Variants in BEND7 observed in about 807,000 individuals in gnomAD.
The protein encoded by BEND7 is BEN domain containing 7.
Under a neutral mutation model 50.9 loss-of-function variants are expected in BEND7, and 28 were observed. That is an observed-to-expected ratio of 0.55 (90% confidence interval 0.41 to 0.75). The LOEUF is 0.75. Among genes scored for constraint, BEND7 ranks in the 30% least tolerant of loss-of-function variants. BEND7 has a pLI of 0.00. For missense variants in BEND7, 477 were observed against 491.3 expected, an observed-to-expected ratio of 0.97 and a Z score of 0.28; for synonymous variants, 170 against 183.9, an observed-to-expected ratio of 0.92 and a Z score of 0.61.
At chr10:13,440,074 G>A (rs898537708), downstream of BEND7, among the ~76,000 whole-genome samples, 12 of 152,220 alleles carry the variant, frequency 7.9e-5, no homozygotes, top group African/African-American at 2.4e-4. Flanking sequence ...GGGGTTTGGC[G>A]GCTGGAGGAT....
chr10:13,504,513 A>T (rs2077727640), intron 2 of BEND7, among the ~76,000 whole-genome samples: 1 of 152,174 alleles, frequency 6.6e-6, no homozygotes, highest in Admixed American at 6.5e-5. Context: ...AAAAAAAAAA[A>T]TTGGTGAAAA....
chr10:13,450,124 C>T (rs1245752936), intron 7 of BEND7, among the ~76,000 whole-genome samples: 1 of 152,206 alleles, frequency 6.6e-6, no homozygotes, highest in Non-Finnish European at 1.5e-5. Context: ...TTCCATGTGA[C>T]GACAGCCCCA....
downstream of BEND7, chr10:13,439,226 GGGA>G (rs1835053845): frequency 1.2e-6 from 2 of 1,614,202 alleles, no homozygotes; most frequent in African/African-American, 1.3e-5. Context: ...AGCCTGGCGT[GGGA>G]AAGTTGCGAA....
intron 2 of BEND7, among the ~76,000 whole-genome samples, chr10:13,522,272 AAATT>A (rs1459199271): frequency 1.3e-5 from 2 of 152,256 alleles, no homozygotes; most frequent in African/African-American, 4.8e-5. Context: ...TATGAATAAT[AAATT>A]AATTGTCTCA....
chr10:13,484,353 T>C (rs2076078070), intron 5 of BEND7, among the ~76,000 whole-genome samples: 1 of 152,254 alleles, frequency 6.6e-6, no homozygotes, highest in African/African-American at 2.4e-5. Flanking sequence ...AATCTCACAT[T>C]TTCACTAAGA....
intron 8 of BEND7, chr10:13,444,216 GGCT>G (rs1371136690): frequency 1.3e-5 from 2 of 152,084 alleles, no homozygotes; most frequent in East Asian, 3.9e-4. Flanking sequence ...CCCAACACGG[GGCT>G]GATTCTTGGT....
At chr10:13,454,310 A>C (rs1398584644) in intron 6 of BEND7, among the ~76,000 whole-genome samples, 1 of 152,196 alleles carries the variant, frequency 6.6e-6, no homozygotes, top group East Asian at 1.9e-4. Flanking sequence ...GCAGATGTTC[A>C]AGTCCCTGAT....
At chr10:13,529,204 C>G (rs1489465358), upstream of BEND7, among the ~76,000 whole-genome samples, 2 of 145,704 alleles carry the variant, frequency 1.4e-5, no homozygotes, top group Non-Finnish European at 3.0e-5. Context: ...CGCCCTGGCC[C>G]GGGCCCGGCC....
chr10:13,519,774 G>C (rs1256506645), intron 2 of BEND7, among the ~76,000 whole-genome samples: 1 of 152,180 alleles, frequency 6.6e-6, no homozygotes, highest in Non-Finnish European at 1.5e-5. Flanking sequence ...CGGCTTACAG[G>C]CCAAGGTAAT....
In BEND7 at chr10:13,492,639, C is replaced by T. The variant is rs1338539157; in HGVS notation, c.809G>A (p.Gly270Asp). 10 of 1,613,942 alleles carry T rather than the reference C, an allele frequency of 6.2e-6. No homozygotes were observed. The highest frequency in any genetic ancestry group is 8.5e-6 in the Non-Finnish European group (10 of 1,180,016). Reference sequence around the variant, plus strand: ...TGAGGAAGGTGATTCCAGAACAATGCCGAATCCTAGAACGCGGCTCTCCTC... The same window carrying T: ...TGAGGAAGGTGATTCCAGAACAATGTCGAATCCTAGAACGCGGCTCTCCTC... ...SPEESRVLGFGIVLESPSSDP... is the reference protein window; with the variant it reads ...SPEESRVLGFDIVLESPSSDP... Residue 270 changes from glycine (G) to aspartate (D), a missense_variant, in exon 5 of 9, where the codon GGC (glycine) becomes GAC (aspartate). Physicochemically the swap from Gly to Asp is moderately conservative, Grantham distance 94 (BLOSUM62 -1). This residue lies in a region of BEND7 where 396 missense variants were observed against 384.2 expected (regional missense o/e 1.03). Coordinates refer to ENST00000466271, the MANE Select transcript of BEND7 (RefSeq NM_001369863.1).
At chr10:13,459,067 C>T (rs1418618855) in intron 6 of BEND7, among the ~76,000 whole-genome samples, 4 of 152,174 alleles carry the variant, frequency 2.6e-5, no homozygotes, top group South Asian at 2.1e-4. Flanking sequence ...AAATGACTTA[C>T]GTTTACAGTT....
At chr10:13,505,608 C>T (rs1351178467) in intron 2 of BEND7, among the ~76,000 whole-genome samples, 2 of 152,206 alleles carry the variant, frequency 1.3e-5, no homozygotes, top group Non-Finnish European at 2.9e-5. Flanking sequence ...TAAAGGCCCA[C>T]AGTCCGACCC....
chr10:13,517,908 T>G (rs2078810519), intron 2 of BEND7, among the ~76,000 whole-genome samples: 2 of 152,166 alleles, frequency 1.3e-5, no homozygotes, highest in Non-Finnish European at 2.9e-5. Flanking sequence ...TCCAGGTCAC[T>G]TTCTCTCCGA....
intron 5 of BEND7, among the ~76,000 whole-genome samples, chr10:13,485,233 C>A (rs909885885): frequency 6.6e-6 from 1 of 152,028 alleles, no homozygotes; most frequent in African/African-American, 2.4e-5. Flanking sequence ...CTATCATAGG[C>A]TATTTTATAT....
At chr10:13,443,121 G>A (rs555697759) in intron 8 of BEND7, 4 of 152,298 alleles carry the variant, frequency 2.6e-5, no homozygotes, top group East Asian at 1.9e-4. Context: ...GACTTTTAAA[G>A]GGTAACAAAT....
intron 8 of BEND7, chr10:13,444,720 T>G (rs1835923328): frequency 6.6e-6 from 1 of 152,190 alleles, no homozygotes; most frequent in African/African-American, 2.4e-5. Context: ...GAATGGGGAT[T>G]TTACTTTGGA....
intron 7 of BEND7, among the ~76,000 whole-genome samples, chr10:13,448,996 T>C (rs1588634524): frequency 6.7e-6 from 1 of 149,310 alleles, no homozygotes; most frequent in Admixed American, 6.7e-5. Context: ...AAAAAAGATG[T>C]TGTAGATGAA....
intron 4 of BEND7, among the ~76,000 whole-genome samples, chr10:13,495,985 G>C (rs1178191698): frequency 1.3e-5 from 2 of 152,128 alleles, no homozygotes; most frequent in African/African-American, 4.8e-5. Flanking sequence ...TCCCTCAATT[G>C]TGAAGATCAG....
intron 6 of BEND7, 110 bp downstream of exon 6, chr10:13,480,789 T>C: frequency 2.6e-6 from 4 of 1,527,520 alleles, no homozygotes; most frequent in South Asian, 2.7e-5. Flanking sequence ...AAATTGGCAA[T>C]GGCAAATGAA....
Sources: allele counts gnomAD v4.1 joint callset (sites outside exome capture counted in the v4.1 genomes callset), GRCh38; gene constraint gnomAD v4.1.1; regional missense constraint gnomAD v4.1.1; transcripts MANE v1.5; gene names NCBI Gene and HGNC (gene_info 2026-07-23, HGNC 2026-07-21).